ERICH1: variants seen among roughly 807,000 people sequenced by gnomAD.
ERICH1 encodes the protein glutamate-rich protein 1.
In ERICH1, 56 loss-of-function variants were observed where a neutral mutation model predicts 39.6. The ratio of observed to expected loss-of-function variants is 1.41; its 90% CI spans 1.14 to 1.77. The LOEUF (loss-of-function observed/expected upper bound fraction) is 1.77, where lower values mean the gene tolerates loss of function less well. Ranked by LOEUF, ERICH1 falls within the 40% of genes most tolerant of loss-of-function variation. The probability of loss-of-function intolerance (pLI) is 0.00; values close to 1 mark genes in which losing one functional copy is unlikely to be tolerated. For synonymous variants in ERICH1, 313 were observed against 223.6 expected (o/e 1.40, Z -3.57); for missense variants, 826 against 575.4 (o/e 1.44, Z -4.45).
At chr8:682,076 TGA>T (rs1491465631) in intron 3 of ERICH1, among the ~76,000 whole-genome samples, 151,957 of 151,960 alleles carry the variant, frequency 1, 75,977 homozygotes, top group Non-Finnish European at 1. Flanking sequence ...TTTTCCATGA[TGA>T]GTAGGTCTTG....
intron 3 of ERICH1, among the ~76,000 whole-genome samples, chr8:688,903 T>G (rs1669664): frequency 6.6e-6 from 1 of 152,040 alleles, no homozygotes; most frequent in Admixed American, 6.5e-5. Context: ...ACCTTTCACC[T>G]GGAGTTTTAC....
intron 3 of ERICH1, among the ~76,000 whole-genome samples, chr8:682,749 T>C (rs78191393): frequency 0.04 from 6,129 of 152,272 alleles, 141 homozygotes; most frequent in African/African-American, 0.06. Flanking sequence ...GGAGTAGAAA[T>C]AGTTAGATAA....
intron 1 of ERICH1, among the ~76,000 whole-genome samples, chr8:716,208 C>A (rs963475335): frequency 3.3e-5 from 5 of 152,248 alleles, no homozygotes; most frequent in African/African-American, 1.2e-4. Flanking sequence ...TTGAGGCTGG[C>A]CCGAGGACCC....
chr8:725,746 A>C (rs1315292608), intron 1 of ERICH1: 4 of 152,808 alleles, frequency 2.6e-5, no homozygotes, highest in African/African-American at 9.7e-5. Context: ...TCACCCCCCA[A>C]CCTCACCATG....
At chr8:623,672 T>C (rs1797421296) in intron 3 of ERICH1, among the ~76,000 whole-genome samples, 1 of 152,182 alleles carries the variant, frequency 6.6e-6, no homozygotes, top group Non-Finnish European at 1.5e-5. Flanking sequence ...TTTAAATAAA[T>C]GATGCTGGAA....
chr8:616,402 G>A (rs1474001909), intron 3 of ERICH1: 9 of 378,924 alleles, frequency 2.4e-5, no homozygotes, highest in Non-Finnish European at 4.2e-5. Flanking sequence ...CTCCTGCCAC[G>A]TGTGTGAGGC....
chr8:638,772 G>A (rs560910901), intron 3 of ERICH1, among the ~76,000 whole-genome samples: 2 of 152,082 alleles, frequency 1.3e-5, no homozygotes, highest in South Asian at 2.1e-4. Context: ...CCACCCTTTC[G>A]TTGCGTCAGC....
chr8:721,243 ATAAAG>A (rs1387372174), intron 1 of ERICH1, among the ~76,000 whole-genome samples: 24 of 152,372 alleles, frequency 1.6e-4, no homozygotes, highest in Admixed American at 1.1e-3. Context: ...AATAGAAATA[ATAAAG>A]TATTTTTTAA....
chr8:657,179 C>T (rs999785398), intron 3 of ERICH1, among the ~76,000 whole-genome samples: 3 of 152,152 alleles, frequency 2.0e-5, no homozygotes, highest in Non-Finnish European at 4.4e-5. Context: ...GAAAGAAACA[C>T]GAAAAGCAGC....
At chr8:624,425 G>C (rs1797478895) in intron 3 of ERICH1, among the ~76,000 whole-genome samples, 1 of 152,234 alleles carries the variant, frequency 6.6e-6, no homozygotes, top group African/African-American at 2.4e-5. Context: ...ACAGACCCAA[G>C]AGAAACAAAA....
At chr8:624,534 T>C (rs1797485677) in intron 3 of ERICH1, among the ~76,000 whole-genome samples, 1 of 152,140 alleles carries the variant, frequency 6.6e-6, no homozygotes, top group African/African-American at 2.4e-5. Flanking sequence ...CTGGGTAATT[T>C]CTAAAGAAAA....
At chr8:616,715 G>C (rs1296516010) in intron 3 of ERICH1, 1 of 411,762 alleles carries the variant, frequency 2.4e-6, no homozygotes, top group African/African-American at 2.1e-5. Context: ...GAGAGATAGA[G>C]ACACTCAGAG....
intron 3 of ERICH1, among the ~76,000 whole-genome samples, chr8:643,041 G>A (rs3735933): frequency 0.52 from 79,523 of 151,930 alleles, 21,051 homozygotes; most frequent in Non-Finnish European, 0.58. Context: ...TACTGGAAGA[G>A]TCCTGTCACA....
intron 2 of ERICH1, among the ~76,000 whole-genome samples, chr8:713,112 C>T (rs906122710): frequency 1.3e-5 from 2 of 152,230 alleles, no homozygotes; most frequent in Non-Finnish European, 2.9e-5. Flanking sequence ...AGCCTCTCTA[C>T]GTATGTGTGT....
Position 712,467 on chromosome 8 carries a change from T to C in ERICH1, c.169+3394A>G, listed in dbSNP as rs540819164. On this transcript the variant is annotated intron_variant, in intron 2 of 5. Coordinates refer to ENST00000262109, the MANE Select transcript of ERICH1 (RefSeq NM_207332.3). ...GTTTTTGAGACGGAGTCTTGCTCTG[T>C]TGCCCAGGCTGGAGTGCAGTGACAT... Among the ~76,000 whole-genome samples, 7 of 152,346 alleles carry C rather than the reference T, an allele frequency of 4.6e-5. No homozygotes were observed. The South Asian group carries it at 1.2e-3, about 27-fold the overall frequency.
At chr8:662,614 C>T (rs1801593505), downstream of ERICH1, among the ~76,000 whole-genome samples, 1 of 152,182 alleles carries the variant, frequency 6.6e-6, no homozygotes, top group African/African-American at 2.4e-5. Context: ...CACTATTGCA[C>T]TCCAGCGTGG....
chr8:618,793 G>A (rs1406681204), intron 3 of ERICH1, among the ~76,000 whole-genome samples: 1 of 152,158 alleles, frequency 6.6e-6, no homozygotes, highest in Non-Finnish European at 1.5e-5. Context: ...AGAGTACGCA[G>A]ACTGAGAGCG....
chr8:674,242 A>G (rs1276736450), intron 3 of ERICH1, among the ~76,000 whole-genome samples, 195 bp from the exon 4 acceptor site: 1 of 150,678 alleles, frequency 6.6e-6, no homozygotes, highest in African/African-American at 2.4e-5. Flanking sequence ...ACATACACTC[A>G]CAGATGCGAC....
In ERICH1 at chr8:668,637, C is replaced by CA. The variant is rs777252710; in HGVS notation, c.1218dup (p.Ala407CysfsTer14). On this transcript the variant is annotated frameshift_variant, in exon 5 of 6. Coordinates refer to ENST00000262109, the MANE Select transcript of ERICH1 (RefSeq NM_207332.3). LOFTEE classifies it high-confidence loss of function. The stretch of plus-strand genomic sequence containing the variant: ...CAATGTTCTGGGAACATTTCCAGAG[C>CA]ATGCTTCAATCTCTCAGTATCTTGC... The CA allele has an allele frequency of 8.1e-6, 13 of 1,614,228 alleles. No homozygotes were observed. Among genetic ancestry groups the CA allele is most frequent in the Non-Finnish European group, 1.1e-5 (13 of 1,180,056 alleles).
Sources: gnomAD v4.1 joint callset for allele counts (sites outside exome capture counted in the v4.1 genomes callset) on GRCh38, gnomAD v4.1.1 for gene constraint, MANE v1.5 for transcripts, NCBI Gene and HGNC (gene_info 2026-07-23, HGNC 2026-07-21) for gene names.